The following NEGR1 variants were observed in gnomAD, a reference collection of about 807,000 sequenced individuals.
NEGR1 encodes the protein IgLON family member 4.
Under a neutral mutation model 40.9 loss-of-function variants are expected in NEGR1, and 10 were observed. The ratio of observed to expected loss-of-function variants is 0.24; its 90% CI spans 0.15 to 0.42. The LOEUF is 0.42. Among genes scored for constraint, NEGR1 ranks in the 10% least tolerant of loss-of-function variants. The pLI is 1.00. For missense variants in NEGR1, 352 were observed against 438.9 expected (o/e 0.80, Z 1.77); for synonymous variants, 185 against 166.8 (o/e 1.11, Z -0.84).
chr1:71,674,324 C>A (rs1023356294), intron 4 of NEGR1, among the ~76,000 whole-genome samples: 2 of 152,062 alleles, frequency 1.3e-5, no homozygotes, highest in African/African-American at 4.8e-5. Context: ...TTGATAACTG[C>A]AAAATGAGCA....
At chr1:72,042,443 A>T (rs1257660070) in intron 1 of NEGR1, among the ~76,000 whole-genome samples, 1 of 151,880 alleles carries the variant, frequency 6.6e-6, no homozygotes, top group Non-Finnish European at 1.5e-5. Flanking sequence ...ACAACTGATT[A>T]CTCTTCAAGC....
At position 71,650,668 on chromosome 1, in the gene NEGR1, A is replaced by T. The variant is rs147763352; in HGVS notation, c.668-39522T>A. On this transcript the variant is annotated intron_variant, in intron 4 of 6. Coordinates refer to ENST00000357731, the MANE Select transcript of NEGR1 (RefSeq NM_173808.3). ...ACTATTTCAAGAAAACTTTCTATCC[A>T]TAAAGCTTTATTCTTTAAGTTGTAT... Among the ~76,000 whole-genome samples, 535 of 152,214 alleles carry T rather than the reference A, an allele frequency of 3.5e-3. 3 individuals are homozygous for T. Among genetic ancestry groups the T allele is most frequent in the African/African-American group, 0.011 (477 of 41,536 alleles).
chr1:72,256,329 A>G (rs928196008), intron 1 of NEGR1, among the ~76,000 whole-genome samples: 2 of 152,228 alleles, frequency 1.3e-5, no homozygotes, highest in African/African-American at 2.4e-5. Flanking sequence ...ATCCAGCTGG[A>G]GATTCCAAAC....
intron 1 of NEGR1, among the ~76,000 whole-genome samples, chr1:72,232,924 C>T (rs990422073): frequency 3.9e-5 from 6 of 152,138 alleles, no homozygotes; most frequent in South Asian, 4.2e-4. Context: ...TGAAAGTAAA[C>T]GGAAAGATGT....
intron 3 of NEGR1, among the ~76,000 whole-genome samples, chr1:71,766,088 G>A (rs546430195): frequency 5.9e-5 from 9 of 151,328 alleles, no homozygotes; most frequent in African/African-American, 2.2e-4. Context: ...GCAGGAAAAT[G>A]CTTGAACTTG....
intron 2 of NEGR1, among the ~76,000 whole-genome samples, chr1:71,905,567 CA>C (rs1394154075): frequency 6.6e-6 from 1 of 151,926 alleles, no homozygotes; most frequent in Non-Finnish European, 1.5e-5. Flanking sequence ...TGAAGTTAGG[CA>C]ATATATGATC....
chr1:72,016,037 T>C (rs1362088703), intron 1 of NEGR1, among the ~76,000 whole-genome samples: 1 of 152,142 alleles, frequency 6.6e-6, no homozygotes, highest in East Asian at 1.9e-4. Flanking sequence ...ATATAAGAAA[T>C]TATCCTTCAT....
At chr1:71,888,587 T>C (rs568279556) in intron 2 of NEGR1, among the ~76,000 whole-genome samples, 1 of 146,246 alleles carries the variant, frequency 6.8e-6, no homozygotes, top group Non-Finnish European at 1.5e-5. Flanking sequence ...ATCTCGCTGA[T>C]TGCTAGCACA....
intron 6 of NEGR1, among the ~76,000 whole-genome samples, chr1:71,565,610 C>G (rs1438831117): frequency 6.6e-6 from 1 of 152,132 alleles, no homozygotes; most frequent in African/African-American, 2.4e-5. Context: ...TGCCAGCTGA[C>G]TCTTCAGTTT....
intron 1 of NEGR1, among the ~76,000 whole-genome samples, chr1:71,999,906 T>C (rs1450689646): frequency 6.6e-6 from 1 of 151,552 alleles, no homozygotes; most frequent in African/African-American, 2.4e-5. Flanking sequence ...CTCTGAAGAC[T>C]TAGAATATAA....
intron 6 of NEGR1, among the ~76,000 whole-genome samples, chr1:71,529,714 A>T (rs1281605395): frequency 2.0e-5 from 3 of 151,206 alleles, no homozygotes; most frequent in African/African-American, 7.3e-5. Flanking sequence ...ATTGTCCAGA[A>T]TAACTTATAG....
At chr1:72,068,817 T>C (rs762149781) in intron 1 of NEGR1, among the ~76,000 whole-genome samples, 1 of 152,160 alleles carries the variant, frequency 6.6e-6, no homozygotes, top group Non-Finnish European at 1.5e-5. Context: ...GAATTATTCT[T>C]GAGGAATTTT....
In NEGR1 at chr1:71,396,433, C is replaced by G. The variant is rs904248138; in HGVS notation, c.*11013G>C. ...GTTATCTGAGAAACGTTAAGGTCAA[C>G]CACTTTTCAGTGTAAATTAAATCTG... On this transcript the variant is annotated 3_prime_UTR_variant, in exon 7 of 7. Coordinates refer to ENST00000357731, the MANE Select transcript of NEGR1 (RefSeq NM_173808.3). 1 of 152,206 alleles carries G rather than the reference C, an allele frequency of 6.6e-6. No homozygotes were observed. 9.4% of individuals were successfully genotyped at this position (152,206 alleles called of 1,614,324 possible).
intron 3 of NEGR1, among the ~76,000 whole-genome samples, chr1:71,756,401 C>G (rs4650119): frequency 1.9e-5 from 1 of 53,120 alleles, no homozygotes; most frequent in Admixed American, 2.1e-4. Context: ...AAACAAAAAA[C>G]AAAAACAAAC....
chr1:71,742,123 C>A (rs958750825), intron 3 of NEGR1, among the ~76,000 whole-genome samples: 9 of 152,090 alleles, frequency 5.9e-5, no homozygotes, highest in Non-Finnish European at 1.2e-4. Flanking sequence ...TGAAAAGAGA[C>A]ATAAGAGAGA....
intron 2 of NEGR1, among the ~76,000 whole-genome samples, chr1:71,833,482 C>T (rs1488928225): frequency 6.6e-6 from 1 of 151,322 alleles, no homozygotes; most frequent in African/African-American, 2.5e-5. Context: ...CAGAGAGAAT[C>T]TTTCTGGGGG....
chr1:71,712,178 A>G (rs888183342), intron 3 of NEGR1, among the ~76,000 whole-genome samples: 2 of 152,228 alleles, frequency 1.3e-5, no homozygotes, highest in African/African-American at 4.8e-5. Flanking sequence ...TGTAAATATA[A>G]AGGCAAAAGC....
At chr1:71,783,727 TC>T (rs1320144132) in intron 2 of NEGR1, among the ~76,000 whole-genome samples, 1 of 152,168 alleles carries the variant, frequency 6.6e-6, no homozygotes, top group Non-Finnish European at 1.5e-5. Flanking sequence ...CTGTTTTCTC[TC>T]ATTTAGGATA....
chr1:72,030,214 A>G (rs190486154), intron 1 of NEGR1, among the ~76,000 whole-genome samples: 1 of 149,346 alleles, frequency 6.7e-6, no homozygotes. Flanking sequence ...TTTCTTTTTG[A>G]GATGGAGTCT....
Sources: allele counts gnomAD v4.1 joint callset (sites outside exome capture counted in the v4.1 genomes callset), GRCh38; gene constraint gnomAD v4.1.1; transcripts MANE v1.5; gene names NCBI Gene and HGNC (gene_info 2026-07-23, HGNC 2026-07-21).